CDKAL1: variants seen among roughly 807,000 people sequenced by gnomAD.
CDKAL1 encodes threonylcarbamoyladenosine tRNA methylthiotransferase.
A neutral mutation model predicts 68.2 loss-of-function variants in CDKAL1; 32 were observed. That is an observed-to-expected ratio of 0.47 (90% CI 0.35 to 0.63). CDKAL1 has a LOEUF of 0.63. Ranked by LOEUF, CDKAL1 falls within the 30% of genes least tolerant of loss-of-function variation. The pLI, the probability that CDKAL1 is intolerant of heterozygous loss-of-function variation, is 0.00. For missense variants in CDKAL1, 606 were observed against 696.7 expected, an observed-to-expected ratio of 0.87 and a Z score of 1.47; for synonymous variants, 234 against 244.3, an observed-to-expected ratio of 0.96 and a Z score of 0.39.
At chr6:20,718,141 C>T (rs1400370341) in intron 5 of CDKAL1, among the ~76,000 whole-genome samples, 4 of 152,120 alleles carry the variant, frequency 2.6e-5, no homozygotes, top group African/African-American at 7.2e-5. Flanking sequence ...ACTCCAAGTG[C>T]CCCTCTTAGC....
intron 9 of CDKAL1, among the ~76,000 whole-genome samples, chr6:20,948,902 T>C (rs1023630163): frequency 6.6e-6 from 1 of 152,244 alleles, no homozygotes; most frequent in South Asian, 2.1e-4. Context: ...TTAGTTTGTT[T>C]TGAACTTTCC....
At chr6:21,003,446 A>G (rs1473645867) in intron 11 of CDKAL1, among the ~76,000 whole-genome samples, 1 of 148,084 alleles carries the variant, frequency 6.8e-6, no homozygotes, top group African/African-American at 2.5e-5. Flanking sequence ...CGTGCCTGTA[A>G]TCCCAGCTAC....
chr6:20,931,014 A>G (rs1488193962), intron 9 of CDKAL1, among the ~76,000 whole-genome samples: 6 of 152,148 alleles, frequency 3.9e-5, no homozygotes, highest in Non-Finnish European at 8.8e-5. Flanking sequence ...AAATGCTGGG[A>G]TTACAGGCGT....
At chr6:20,537,863 A>C (rs1216028727) in intron 2 of CDKAL1, among the ~76,000 whole-genome samples, 1 of 138,312 alleles carries the variant, frequency 7.2e-6, no homozygotes, top group Non-Finnish European at 1.5e-5. Context: ...TTTAATTAAA[A>C]ATTTCTGAAG....
chr6:20,943,726 C>T (rs568642986), intron 9 of CDKAL1, among the ~76,000 whole-genome samples: 19 of 151,628 alleles, frequency 1.3e-4, no homozygotes, highest in East Asian at 1.9e-4. Context: ...TTTATGTCCT[C>T]GCCTGCTAAT....
At chr6:20,572,796 GA>G (rs77754079) in intron 4 of CDKAL1, among the ~76,000 whole-genome samples, 36,613 of 149,374 alleles carry the variant, frequency 0.25, 5,364 homozygotes, top group Middle Eastern at 0.39. Context: ...TTTTTAGATG[GA>G]AAAAAAAAAT....
intron 13 of CDKAL1, among the ~76,000 whole-genome samples, chr6:21,146,705 G>T (rs1469299028): frequency 6.6e-6 from 1 of 151,972 alleles, no homozygotes; most frequent in African/African-American, 2.4e-5. Flanking sequence ...AAAAAAATCA[G>T]CTGGGCGTGG....
chr6:20,746,840 AC>A (rs1241195576), intron 6 of CDKAL1, among the ~76,000 whole-genome samples: 6 of 152,104 alleles, frequency 3.9e-5, no homozygotes, highest in Non-Finnish European at 7.4e-5. Flanking sequence ...TTCTGTAGTT[AC>A]TTTTTATGTT....
At chr6:21,039,339 A>G (rs1769780379) in intron 11 of CDKAL1, among the ~76,000 whole-genome samples, 1 of 152,212 alleles carries the variant, frequency 6.6e-6, no homozygotes, top group South Asian at 2.1e-4. Flanking sequence ...CAGGAGACCG[A>G]TTCCTGGTGC....
At chr6:21,122,812 T>G (rs574958555) in intron 13 of CDKAL1, among the ~76,000 whole-genome samples, 17 of 149,572 alleles carry the variant, frequency 1.1e-4, no homozygotes, top group African/African-American at 3.7e-4. Context: ...GGTTTTTTTT[T>G]TTTTTTTTTT....
At chr6:20,565,913 C>T (rs1394046828) in intron 4 of CDKAL1, among the ~76,000 whole-genome samples, 1 of 151,930 alleles carries the variant, frequency 6.6e-6, no homozygotes, top group East Asian at 1.9e-4. Context: ...ATAACAAAGG[C>T]TTTTTTCCTA....
At position 20,581,989 on chromosome 6, in the gene CDKAL1, T is replaced by C. The variant is rs771709275; in HGVS notation, c.286+33284T>C. 2.0e-5 allele frequency among the ~76,000 whole-genome samples: 3 copies of C among 152,326 alleles called. No homozygotes were observed. In the South Asian group the frequency reaches 6.2e-4, roughly 32 times the overall value. ...CTTTATAAAGCATATGTATAAGTTGTATAGATAAGTGTATTTTCAAAAGTA... is the reference window on the plus strand; with the variant it reads ...CTTTATAAAGCATATGTATAAGTTGCATAGATAAGTGTATTTTCAAAAGTA... On this transcript the variant is annotated intron_variant, in intron 4 of 15. Coordinates refer to ENST00000274695, the MANE Select transcript of CDKAL1 (RefSeq NM_017774.3).
intron 8 of CDKAL1, among the ~76,000 whole-genome samples, chr6:20,816,464 G>C (rs1209015300): frequency 6.6e-6 from 1 of 152,128 alleles, no homozygotes; most frequent in Non-Finnish European, 1.5e-5. Context: ...CATAAACACA[G>C]ATTTCCATCA....
At chr6:21,103,507 C>T (rs1168222282) in intron 12 of CDKAL1, among the ~76,000 whole-genome samples, 1 of 151,864 alleles carries the variant, frequency 6.6e-6, no homozygotes, top group African/African-American at 2.4e-5. Flanking sequence ...TATGAAGTGC[C>T]TGTAAGATGA....
chr6:21,106,765 G>A (rs952900658), intron 12 of CDKAL1, among the ~76,000 whole-genome samples: 22 of 152,128 alleles, frequency 1.4e-4, no homozygotes, highest in Admixed American at 3.9e-4. Context: ...GAGCATCAGC[G>A]GATTTTGGTA....
chr6:20,826,965 A>G (rs562692565), intron 8 of CDKAL1, among the ~76,000 whole-genome samples: 1 of 152,314 alleles, frequency 6.6e-6, no homozygotes, highest in South Asian at 2.1e-4. Flanking sequence ...TAATTTCATT[A>G]GTATATCTAA....
At chr6:20,917,604 GCACCTGTA>G (rs946504106) in intron 9 of CDKAL1, among the ~76,000 whole-genome samples, 3 of 152,030 alleles carry the variant, frequency 2.0e-5, no homozygotes, top group African/African-American at 7.3e-5. Flanking sequence ...AGATTTCGGT[GCACCTGTA>G]CACTATACCC....
intron 4 of CDKAL1, among the ~76,000 whole-genome samples, chr6:20,621,478 G>A (rs143447446): frequency 1.6e-3 from 246 of 152,186 alleles, no homozygotes; most frequent in African/African-American, 5.6e-3. Flanking sequence ...GTCATTACAT[G>A]AGCTTGCACT....
chr6:21,081,085 T>G (rs1267650935), intron 12 of CDKAL1, among the ~76,000 whole-genome samples: 1 of 152,176 alleles, frequency 6.6e-6, no homozygotes, highest in East Asian at 1.9e-4. Flanking sequence ...TGATAGAAAA[T>G]CATTTTAAAA....
Sources: allele counts gnomAD v4.1 joint callset (sites outside exome capture counted in the v4.1 genomes callset), GRCh38; gene constraint gnomAD v4.1.1; transcripts MANE v1.5; gene names NCBI Gene and HGNC (gene_info 2026-07-23, HGNC 2026-07-21).